TRPC4: variants seen among roughly 807,000 people sequenced by gnomAD.
The protein encoded by TRPC4 is transient receptor potential cation channel subfamily C member 4.
Under a neutral mutation model 99.4 loss-of-function variants are expected in TRPC4, and 49 were observed. That is an observed-to-expected ratio of 0.49 (90% confidence interval 0.39 to 0.63). The LOEUF (loss-of-function observed/expected upper bound fraction) is 0.63. Ranked by LOEUF, TRPC4 falls within the 20% of genes least tolerant of loss-of-function variation. TRPC4 has a pLI of 0.00. For missense variants in TRPC4, 898 were observed against 1,152.9 expected (o/e 0.78, Z 3.20); for synonymous variants, 454 against 425.9 (o/e 1.07, Z -0.81).
At chr13:37,857,323 C>A (rs546075077) in intron 1 of TRPC4, among the ~76,000 whole-genome samples, 1 of 151,530 alleles carries the variant, frequency 6.6e-6, no homozygotes, top group South Asian at 2.1e-4. Context: ...AGAATCAATA[C>A]TGGTAAAATG....
chr13:37,663,365 G>A (rs367770131), intron 6 of TRPC4, 51 bp downstream of exon 6: 42 of 1,509,610 alleles, frequency 2.8e-5, no homozygotes, highest in Non-Finnish European at 2.5e-5. Context: ...GTGATGTGGT[G>A]CACTCTAAAT....
At chr13:37,839,298 T>C (rs976383280) in intron 1 of TRPC4, among the ~76,000 whole-genome samples, 1 of 152,134 alleles carries the variant, frequency 6.6e-6, no homozygotes, top group Non-Finnish European at 1.5e-5. Flanking sequence ...GTAAGGACTA[T>C]AGTAAAGGTG....
chr13:37,794,542 G>C (rs1439503876), intron 1 of TRPC4, among the ~76,000 whole-genome samples: 1 of 152,138 alleles, frequency 6.6e-6, no homozygotes, highest in African/African-American at 2.4e-5. Context: ...AACTTGAAAG[G>C]AATGTGGGAG....
chr13:37,766,683 T>A (rs1045250700), intron 2 of TRPC4, among the ~76,000 whole-genome samples: 8 of 151,376 alleles, frequency 5.3e-5, no homozygotes, highest in African/African-American at 1.9e-4. Context: ...GACATGTGGC[T>A]GGGTCTTTTA....
chr13:37,707,948 CATCTTCTTGGACCT>C (rs1381750645), intron 3 of TRPC4, among the ~76,000 whole-genome samples: 1 of 152,112 alleles, frequency 6.6e-6, no homozygotes, highest in East Asian at 1.9e-4. Flanking sequence ...TCACTTTGGA[CATCTTCTTGGACCT>C]CTTTGATCTG....
intron 1 of TRPC4, among the ~76,000 whole-genome samples, chr13:37,861,239 G>A (rs1350772455): frequency 2.0e-5 from 3 of 151,400 alleles, no homozygotes; most frequent in African/African-American, 7.3e-5. Context: ...CAATTGGGTT[G>A]TATATTTACT....
At chr13:37,754,002 G>A (rs1956027124) in intron 2 of TRPC4, among the ~76,000 whole-genome samples, 1 of 152,086 alleles carries the variant, frequency 6.6e-6, no homozygotes, top group African/African-American at 2.4e-5. Flanking sequence ...GCTATGGAGA[G>A]GGCAGCGAAA....
At chr13:37,843,817 C>T (rs771494155) in intron 1 of TRPC4, among the ~76,000 whole-genome samples, 8 of 152,076 alleles carry the variant, frequency 5.3e-5, no homozygotes, top group African/African-American at 4.8e-5. Context: ...AGCAACTATC[C>T]GCAGGCAAGA....
chr13:37,654,750 T>C (rs1952167966), intron 7 of TRPC4, among the ~76,000 whole-genome samples: 1 of 152,152 alleles, frequency 6.6e-6, no homozygotes, highest in South Asian at 2.1e-4. Context: ...GTAGGTTAAA[T>C]GGACCGACAG....
At chr13:37,757,076 T>C (rs1405188833) in intron 2 of TRPC4, among the ~76,000 whole-genome samples, 2 of 54,912 alleles carry the variant, frequency 3.6e-5, no homozygotes, top group Non-Finnish European at 8.0e-5. Context: ...TATTTAAATA[T>C]ATGTAAAATA....
chr13:37,667,455 C>T (rs1048796272), intron 5 of TRPC4, among the ~76,000 whole-genome samples: 3 of 152,094 alleles, frequency 2.0e-5, no homozygotes, highest in Non-Finnish European at 4.4e-5. Flanking sequence ...TACAGGCACC[C>T]ACCACCATGC....
intron 3 of TRPC4, among the ~76,000 whole-genome samples, chr13:37,720,707 GA>G (rs1954842645): frequency 6.6e-6 from 1 of 151,952 alleles, no homozygotes; most frequent in South Asian, 2.1e-4. Context: ...TTTTACTCAG[GA>G]GTATATTTAT....
chr13:37,789,406 C>T (rs1593747779), intron 1 of TRPC4, among the ~76,000 whole-genome samples: 2 of 152,108 alleles, frequency 1.3e-5, no homozygotes, highest in Non-Finnish European at 2.9e-5. Flanking sequence ...AGTTATGTAG[C>T]CTTTTTTATG....
intron 10 of TRPC4, 51 bp from the exon 11 acceptor site, chr13:37,637,676 ACAT>A: frequency 6.6e-7 from 1 of 1,509,276 alleles, no homozygotes; most frequent in East Asian, 2.3e-5. Context: ...ACATTTGGAA[ACAT>A]CATTTTCTCG....
intron 3 of TRPC4, among the ~76,000 whole-genome samples, chr13:37,738,435 G>A (rs1192843321): frequency 6.6e-6 from 1 of 152,168 alleles, no homozygotes; most frequent in Non-Finnish European, 1.5e-5. Context: ...GAAATCTACA[G>A]AAGCTTGAAG....
At chr13:37,858,356 G>A (rs1959191550) in intron 1 of TRPC4, among the ~76,000 whole-genome samples, 1 of 151,622 alleles carries the variant, frequency 6.6e-6, no homozygotes, top group Admixed American at 6.6e-5. Context: ...AAACAGTTTG[G>A]AGATGCCTCA....
chr13:37,822,587 A>G (rs1420119614), intron 1 of TRPC4, among the ~76,000 whole-genome samples: 10 of 151,700 alleles, frequency 6.6e-5, no homozygotes, highest in Non-Finnish European at 1.2e-4. Context: ...ATGTCCCTAC[A>G]AAGGACATGA....
chr13:37,730,883 G>A (rs1341194464), intron 3 of TRPC4, among the ~76,000 whole-genome samples: 2 of 151,948 alleles, frequency 1.3e-5, no homozygotes, highest in African/African-American at 4.8e-5. Context: ...ACATTAGCAA[G>A]TAGAGGCAAA....
intron 1 of TRPC4, among the ~76,000 whole-genome samples, chr13:37,795,032 T>C (rs2139404191): frequency 1.3e-5 from 2 of 152,008 alleles, no homozygotes; most frequent in Middle Eastern, 6.8e-3. Flanking sequence ...AATTTGGCTA[T>C]TTTTTACTTC....
Sources: gnomAD v4.1 joint callset for allele counts (sites outside exome capture counted in the v4.1 genomes callset) on GRCh38, gnomAD v4.1.1 for gene constraint, MANE v1.5 for transcripts, NCBI Gene and HGNC (gene_info 2026-07-23, HGNC 2026-07-21) for gene names.